MLLT10: variants seen among roughly 807,000 people sequenced by gnomAD.
MLLT10 encodes protein AF-10.
A neutral mutation model predicts 129.1 loss-of-function variants in MLLT10; 30 were observed. The observed-to-expected ratio is 0.23, with a 90% confidence interval of 0.17 to 0.32. The LOEUF (loss-of-function observed/expected upper bound fraction) is 0.32, where lower values mean the gene tolerates loss of function less well. MLLT10 is among the 10% of genes least tolerant of loss of function. MLLT10 has a pLI of 1.00. For missense variants in MLLT10, 1,119 were observed against 1,268.3 expected, an observed-to-expected ratio of 0.88 and a Z score of 1.79; for synonymous variants, 490 against 446.4, an observed-to-expected ratio of 1.10 and a Z score of -1.23.
intron 11 of MLLT10, among the ~76,000 whole-genome samples, chr10:21,678,955 T>C (rs963116970): frequency 6.6e-6 from 1 of 152,184 alleles, no homozygotes; most frequent in Non-Finnish European, 1.5e-5. Flanking sequence ...TGATTCCCTC[T>C]TGAAATTATT....
intron 3 of MLLT10, among the ~76,000 whole-genome samples, chr10:21,540,322 A>G (rs949962290): frequency 9.9e-5 from 15 of 151,862 alleles, no homozygotes; most frequent in African/African-American, 3.4e-4. Context: ...TGAGGGAGCC[A>G]GAGGTTGCAG....
At chr10:21,658,751 G>C (rs1025999761) in intron 9 of MLLT10, among the ~76,000 whole-genome samples, 1 of 152,086 alleles carries the variant, frequency 6.6e-6, no homozygotes, top group South Asian at 2.1e-4. Context: ...TGCAGCCTCT[G>C]CCTCTTGGGT....
intron 5 of MLLT10, among the ~76,000 whole-genome samples, chr10:21,601,489 C>T (rs1229293558): frequency 1.3e-5 from 2 of 152,196 alleles, no homozygotes; most frequent in Non-Finnish European, 2.9e-5. Context: ...TGTAATCTCA[C>T]TCACCAACAT....
intron 21 of MLLT10, among the ~76,000 whole-genome samples, chr10:21,738,984 T>C (rs911323479): frequency 6.6e-6 from 1 of 152,170 alleles, no homozygotes; most frequent in Non-Finnish European, 1.5e-5. Context: ...TCCGCTGGCA[T>C]ATCTTAAAAG....
intron 3 of MLLT10, among the ~76,000 whole-genome samples, chr10:21,581,581 A>G (rs932077950): frequency 1.3e-5 from 2 of 151,880 alleles, no homozygotes; most frequent in East Asian, 1.9e-4. Flanking sequence ...TGTAATCCCT[A>G]TGTGTTGAAG....
At chr10:21,686,353 C>A (rs1267695188) in intron 13 of MLLT10, among the ~76,000 whole-genome samples, 1 of 152,074 alleles carries the variant, frequency 6.6e-6, no homozygotes, top group Non-Finnish European at 1.5e-5. Flanking sequence ...CGTAATATAT[C>A]TTTCCTTACT....
chr10:21,651,317 G>A (rs1396570907), intron 8 of MLLT10, among the ~76,000 whole-genome samples: 1 of 152,042 alleles, frequency 6.6e-6, no homozygotes. Context: ...TGATCCGCCC[G>A]CTTCAGCTTC....
At chr10:21,577,085 A>G (rs1334453291) in intron 3 of MLLT10, among the ~76,000 whole-genome samples, 1 of 152,190 alleles carries the variant, frequency 6.6e-6, no homozygotes, top group Non-Finnish European at 1.5e-5. Flanking sequence ...TTCTGTCTCT[A>G]TCCCTATTTG....
chr10:21,541,968 C>G (rs2035239341), intron 3 of MLLT10, among the ~76,000 whole-genome samples: 1 of 152,128 alleles, frequency 6.6e-6, no homozygotes. Context: ...TATAGCGTTA[C>G]TCTTTGACTT....
intron 8 of MLLT10, among the ~76,000 whole-genome samples, chr10:21,637,864 T>G (rs1392475750): frequency 6.6e-6 from 1 of 152,220 alleles, no homozygotes; most frequent in Non-Finnish European, 1.5e-5. Context: ...CTAAACTCAC[T>G]TGGCGCTAAT....
chr10:21,681,374 C>T lies in MLLT10; in HGVS notation c.1664C>T (p.Thr555Ile). ...CGGCATGATGGAGCTTGCCCAACAA[C>T]TAGTAAGTTGTCAAACTGGGTTGAT... The part of the protein sequence containing the change: ...QYRHDGACPT[T>I]TFSELLNAIH... The change falls in exon 12 of 23, where the codon ACT (threonine) becomes ATT (isoleucine). Residue 555 changes from threonine to isoleucine, a missense_variant and splice_region_variant. By Grantham distance (89) the Thr-to-Ile change is moderately conservative. Around this residue, in one of 5 missense-constraint regions of MLLT10, gnomAD observed 1,004 missense variants for 1,008.7 expected, o/e 1.00. Transcript: ENST00000307729. 6.2e-7 allele frequency: 1 copy of T among 1,609,892 alleles called. No individual in the cohort carries two copies. Among genetic ancestry groups the T allele is most frequent in the Non-Finnish European group, 8.5e-7 (1 of 1,177,582 alleles).
chr10:21,594,621 T>C (rs752768069), intron 4 of MLLT10, among the ~76,000 whole-genome samples: 1 of 147,742 alleles, frequency 6.8e-6, no homozygotes, highest in Non-Finnish European at 1.5e-5. Flanking sequence ...TAGGCAAATG[T>C]TCCCTGGGCA....
At chr10:21,709,101 C>G (rs929226356) in intron 13 of MLLT10, among the ~76,000 whole-genome samples, 4 of 152,150 alleles carry the variant, frequency 2.6e-5, no homozygotes, top group African/African-American at 7.2e-5. Context: ...TTGTCTAAGT[C>G]AAAAGCCTCT....
intron 13 of MLLT10, among the ~76,000 whole-genome samples, chr10:21,698,363 C>T (rs1431498166): frequency 6.6e-6 from 1 of 152,154 alleles, no homozygotes; most frequent in Non-Finnish European, 1.5e-5. Context: ...ACATAATGAT[C>T]TCCAGTTCCA....
rs1833821811 is a variant in MLLT10 at position 21,742,625 on chromosome 10, T to C, written c.*642T>C. ...CTAAAGGTAATTTTCTTTTGAGAATTGCTTTCTTTAGTGTTAAGACCTACT... is the reference window on the plus strand; with the variant it reads ...CTAAAGGTAATTTTCTTTTGAGAATCGCTTTCTTTAGTGTTAAGACCTACT... On this transcript the variant is annotated 3_prime_UTR_variant, in exon 23 of 23. Transcript: ENST00000307729. The C allele has an allele frequency of 4.5e-6, 1 of 221,844 alleles. No individual in the cohort carries two copies. Among genetic ancestry groups the C allele is most frequent in the African/African-American group, 2.2e-5 (1 of 44,802 alleles). 13.7% of individuals were successfully genotyped at this position (221,844 alleles called of 1,614,324 possible).
chr10:21,675,359 T>TACA (rs1353837556), intron 11 of MLLT10, among the ~76,000 whole-genome samples: 1 of 152,168 alleles, frequency 6.6e-6, no homozygotes, highest in African/African-American at 2.4e-5. Flanking sequence ...CCCTGCCCCC[T>TACA]ACAGGCCAAG....
At chr10:21,533,987 G>A (rs1186886574), upstream of MLLT10, among the ~76,000 whole-genome samples, 1 of 151,932 alleles carries the variant, frequency 6.6e-6, no homozygotes, top group African/African-American at 2.4e-5. Context: ...CGCCACCAGC[G>A]CTGCAGAGGG....
intron 3 of MLLT10, among the ~76,000 whole-genome samples, chr10:21,549,193 G>A (rs1371427408): frequency 6.8e-6 from 1 of 148,072 alleles, no homozygotes; most frequent in East Asian, 2.0e-4. Flanking sequence ...GCGCAGTCTC[G>A]GCTCACTGCA....
At chr10:21,549,930 C>G (rs542721056) in intron 3 of MLLT10, among the ~76,000 whole-genome samples, 1 of 152,108 alleles carries the variant, frequency 6.6e-6, no homozygotes, top group African/African-American at 2.4e-5. Context: ...TGAGCCATCG[C>G]GCCTAGCTCT....
Sources: allele counts gnomAD v4.1 joint callset (sites outside exome capture counted in the v4.1 genomes callset), GRCh38; gene constraint gnomAD v4.1.1; regional missense constraint gnomAD v4.1.1; transcripts MANE v1.5; gene names NCBI Gene and HGNC (gene_info 2026-07-23, HGNC 2026-07-21).